Variants in SLCO4A1 observed in about 807,000 individuals in gnomAD.
SLCO4A1 encodes the protein solute carrier organic anion transporter family member 4A1.
Under a neutral mutation model 64.6 loss-of-function variants are expected in SLCO4A1, and 51 were observed. The ratio of observed to expected loss-of-function variants is 0.79; its 90% CI spans 0.63 to 1.00. The LOEUF (loss-of-function observed/expected upper bound fraction) is 1.00. Ranked by LOEUF, SLCO4A1 falls within the 50% of genes least tolerant of loss-of-function variation. The probability of loss-of-function intolerance (pLI) is 0.00; values close to 1 mark genes in which losing one functional copy is unlikely to be tolerated. For missense variants in SLCO4A1, 919 were observed against 980.5 expected (o/e 0.94, Z 0.84); for synonymous variants, 471 against 444.9 (o/e 1.06, Z -0.74).
At chr20:62,681,550 A>G (rs1987833815) in intron 2 of SLCO4A1, among the ~76,000 whole-genome samples, 1 of 135,774 alleles carries the variant, frequency 7.4e-6, no homozygotes, top group African/African-American at 2.8e-5. Context: ...GTGTGTATTA[A>G]ACCGTGTGTA....
downstream of SLCO4A1, among the ~76,000 whole-genome samples, chr20:62,690,048 C>T (rs6011665): frequency 0.019 from 2,819 of 152,212 alleles, 113 homozygotes; most frequent in African/African-American, 0.066. Context: ...GGCAGGTGAA[C>T]GACCCCAGCC....
Position 62,656,790 on chromosome 20 carries a change from C to G in SLCO4A1, c.336C>G (p.Ala112=). ...PKGILFFLCA[A]AFLQGMTVNG... is the part of the protein sequence containing the mutation. ...GCATCCTGTTCTTCCTGTGTGCGGC[C>G]GCATTCCTGCAGGGGATGACTGTGA... is the stretch of plus-strand genomic sequence containing the variant. The change falls in exon 2 of 12, where the codon GCC becomes GCG. Residue 112 remains alanine, a synonymous_variant. Transcript: ENST00000217159. 6.2e-7 allele frequency: 1 copy of G among 1,612,870 alleles called. No individual in the cohort carries two copies.
At chr20:62,686,733 A>AAG (rs1988070819), downstream of SLCO4A1, among the ~76,000 whole-genome samples, 1 of 152,240 alleles carries the variant, frequency 6.6e-6, no homozygotes, top group Non-Finnish European at 1.5e-5. Flanking sequence ...TACCAAGGGC[A>AAG]GGTTTGGACG....
intron 2 of SLCO4A1, 112 bp from the exon 3 acceptor site, chr20:62,658,565 C>T (rs1377115000): frequency 6.3e-6 from 5 of 790,204 alleles, no homozygotes; most frequent in East Asian, 2.7e-5. Flanking sequence ...GGGAGTGGGC[C>T]GGAGATGCAG....
intron 1 of SLCO4A1, among the ~76,000 whole-genome samples, chr20:62,654,395 C>T (rs958192040): frequency 6.6e-6 from 1 of 152,222 alleles, no homozygotes; most frequent in Non-Finnish European, 1.5e-5. Flanking sequence ...GGCACCGGTC[C>T]GCCCACCCCA....
downstream of SLCO4A1, among the ~76,000 whole-genome samples, chr20:62,686,296 C>G (rs1057389051): frequency 3.9e-5 from 6 of 152,228 alleles, no homozygotes; most frequent in Non-Finnish European, 7.3e-5. Context: ...TTCCTCCCCC[C>G]AGCTGAGAAG....
Position 62,656,805 on chromosome 20 carries a change from G to T in SLCO4A1, c.351G>T (p.Gly117=). The part of the protein sequence containing the change: ...FFLCAAAFLQ[G]MTVNGFINTV... ...TGTGTGCGGCCGCATTCCTGCAGGG[G>T]ATGACTGTGAATGGCTTCATCAACA... Residue 117 remains glycine (G), a synonymous_variant, in exon 2 of 12, where the codon GGG becomes GGT. Transcript: ENST00000217159. 6.2e-7 allele frequency: 1 copy of T among 1,612,936 alleles called. No homozygotes were observed. The highest frequency in any genetic ancestry group is 8.5e-7 in the Non-Finnish European group (1 of 1,179,942).
intron 7 of SLCO4A1, chr20:62,667,490 G>A: frequency 2.0e-6 from 1 of 507,072 alleles, no homozygotes; most frequent in Admixed American, 3.5e-5. Context: ...ACTAGGGAAA[G>A]GGGCTGTGCA....
At chr20:62,658,850 C>A in intron 3 of SLCO4A1, 83 bp downstream of exon 3, 2 of 1,226,062 alleles carry the variant, frequency 1.6e-6, no homozygotes, top group Non-Finnish European at 1.2e-6. Flanking sequence ...AGGGCCCACT[C>A]TGAGTCAGGC....
In SLCO4A1 at chr20:62,657,097, G is replaced by T. The variant is rs753582693; in HGVS notation, c.643G>T (p.Val215Leu). ...VRTCPANPGA[V>L]CADSTSGLSR... The stretch of plus-strand genomic sequence containing the variant: ...GACGTGCCCTGCCAACCCCGGCGCG[G>T]TGTGTGCGGACAGCACCTCGGGCCT... The change falls in exon 2 of 12, where the codon GTG becomes TTG. Residue 215 changes from valine (V) to leucine (L), a missense_variant. Val to Leu is a conservative substitution (Grantham distance 32, BLOSUM62 1). Coordinates refer to ENST00000217159, the MANE Select transcript of SLCO4A1 (RefSeq NM_016354.4). 1.1e-5 allele frequency: 18 copies of T among 1,598,392 alleles called. No homozygotes were observed. The highest frequency in any genetic ancestry group is 2.7e-5 in the African/African-American group (2 of 74,748).
At position 62,671,073 on chromosome 20, in the gene SLCO4A1, C is replaced by T. The variant is rs144601825; in HGVS notation, c.2026-677C>T. On this transcript the variant is annotated intron_variant, in intron 11 of 11. Coordinates refer to ENST00000217159, the MANE Select transcript of SLCO4A1 (RefSeq NM_016354.4). ...ACATCGTCCTCTTGCCCTGCAAAGTCGGTGCAGCCCCTCATTGTTGACAAA... is the reference window on the plus strand; with the variant it reads ...ACATCGTCCTCTTGCCCTGCAAAGTTGGTGCAGCCCCTCATTGTTGACAAA... Among the ~76,000 whole-genome samples the T allele has an allele frequency of 1.0e-3, 156 of 152,310 alleles. 1 individual carries two copies. In the East Asian group the frequency reaches 0.02, roughly 20 times the overall value.
intron 5 of SLCO4A1, among the ~76,000 whole-genome samples, chr20:62,664,537 G>A (rs1005973682): frequency 6.6e-6 from 1 of 152,162 alleles, no homozygotes; most frequent in Non-Finnish European, 1.5e-5. Context: ...TGGGTCACTT[G>A]GGGTCTCTCC....
At chr20:62,665,702 C>A (rs1986066399) in intron 6 of SLCO4A1, among the ~76,000 whole-genome samples, 1 of 152,094 alleles carries the variant, frequency 6.6e-6, no homozygotes. Context: ...CTGGCCTGGC[C>A]CCTCTGGGCT....
In SLCO4A1 at chr20:62,660,266, C is replaced by T; in HGVS notation, c.888-146C>T. ...GCAAGGAAGGGACAGGACCTGTGGCCAGCAGCACCAGGGGCCTGTGTTGAC... is the reference window on the plus strand; with the variant it reads ...GCAAGGAAGGGACAGGACCTGTGGCTAGCAGCACCAGGGGCCTGTGTTGAC... On this transcript the variant is annotated intron_variant, in intron 3 of 11. Coordinates refer to ENST00000217159, the MANE Select transcript of SLCO4A1 (RefSeq NM_016354.4). The T allele has an allele frequency of 5.7e-6, 5 of 876,588 alleles. No homozygotes were observed. The South Asian group carries it at 7.2e-5, about 13-fold the overall frequency. 54.3% of individuals were successfully genotyped at this position (876,588 alleles called of 1,614,324 possible). A position where few individuals can be genotyped will look rare whatever the true frequency, so the allele number is the denominator to read the frequency against.
downstream of SLCO4A1, among the ~76,000 whole-genome samples, chr20:62,676,689 G>A (rs182468964): frequency 2.0e-4 from 31 of 152,364 alleles, no homozygotes; most frequent in Non-Finnish European, 3.7e-4. Context: ...GGGTGGGAAT[G>A]TAAAACGGTA....
intron 5 of SLCO4A1, among the ~76,000 whole-genome samples, chr20:62,662,286 A>G (rs1209535246): frequency 6.6e-6 from 1 of 151,992 alleles, no homozygotes; most frequent in Non-Finnish European, 1.5e-5. Context: ...GGGTGACCCC[A>G]TGGGCCAAGC....
intron 5 of SLCO4A1, among the ~76,000 whole-genome samples, chr20:62,664,538 G>A (rs536582870): frequency 5.9e-5 from 9 of 152,190 alleles, no homozygotes; most frequent in Non-Finnish European, 1.2e-4. Context: ...GGGTCACTTG[G>A]GGTCTCTCCC....
Position 62,665,089 on chromosome 20 carries a change from G to T in SLCO4A1, c.1276+1G>T, listed in dbSNP as rs1985847638. 6.2e-7 allele frequency: 1 copy of T among 1,602,448 alleles called. No individual in the cohort carries two copies. Among genetic ancestry groups the T allele is most frequent in the Non-Finnish European group, 8.5e-7 (1 of 1,176,004 alleles). On this transcript the variant is annotated splice_donor_variant, in intron 6 of 11. Transcript: ENST00000217159. LOFTEE classifies it high-confidence loss of function. ...GCCTCAGAAGCTGCCACCTTGTTTG[G>T]TGAGAAAACTGAATCTTGGGGGTCC...
chr20:62,667,667 C>T (rs1003433740), intron 7 of SLCO4A1, 78 bp from the exon 8 acceptor site: 17 of 1,509,786 alleles, frequency 1.1e-5, no homozygotes, highest in African/African-American at 4.1e-5. Context: ...GGACGAGCCC[C>T]ATGGCTGACC....
Sources: gnomAD v4.1 joint callset for allele counts (sites outside exome capture counted in the v4.1 genomes callset) on GRCh38, gnomAD v4.1.1 for gene constraint, MANE v1.5 for transcripts, NCBI Gene and HGNC (gene_info 2026-07-23, HGNC 2026-07-21) for gene names.